Variants in MORN1 observed in about 807,000 individuals in gnomAD.
MORN1 encodes the protein MORN repeat-containing protein 1.
A neutral mutation model predicts 61.9 loss-of-function variants in MORN1; 67 were observed. The ratio of observed to expected loss-of-function variants is 1.08; its 90% confidence interval spans 0.89 to 1.33. The LOEUF is 1.33. Among genes scored for constraint, MORN1 ranks in the 40% most tolerant of loss-of-function variants. The pLI is 0.00. For missense variants in MORN1, 752 were observed against 691.2 expected (o/e 1.09, Z -0.99); for synonymous variants, 301 against 292.0 (o/e 1.03, Z -0.31).
chr1:2,342,623 C>T (rs892684912), intron 10 of MORN1, among the ~76,000 whole-genome samples: 1 of 151,968 alleles, frequency 6.6e-6, no homozygotes, highest in African/African-American at 2.4e-5. Flanking sequence ...TGTCCCCAGC[C>T]CCGGGCTTCG....
Position 2,337,143 on chromosome 1 carries a change from C to A in MORN1, c.1037-293G>T, listed in dbSNP as rs534986591. Among the ~76,000 whole-genome samples the A allele has an allele frequency of 1.6e-4, 25 of 152,274 alleles. No homozygotes were observed. The highest frequency in any genetic ancestry group is 1.2e-3 in the South Asian group (6 of 4,826). The stretch of plus-strand genomic sequence containing the variant: ...CCCAGCGCTTTGCAGTGGGAAGGGT[C>A]TCCCATCAGCAGCCCCCGTCAGCCG... On this transcript the variant is annotated intron_variant, in intron 10 of 13. Transcript: ENST00000378531. This position sits in a 1 kb window ranked among gnomAD's most constrained non-coding sequence, Gnocchi z 5.7.
rs924801014 is a variant in MORN1, at chr1:2,334,227, C to G, written c.1250+2242G>C. On this transcript the variant is annotated intron_variant, in intron 12 of 13. Coordinates refer to ENST00000378531, the MANE Select transcript of MORN1 (RefSeq NM_024848.3). The surrounding 1 kb of genome is among the most constrained non-coding windows in gnomAD (Gnocchi z 5.4). Reference sequence around the variant, plus strand: ...CCCGGTCAGCCACAGTTGAGGGCCTCTGGGTGGTGGGGGGGCAGCAGGTGT... The same window carrying G: ...CCCGGTCAGCCACAGTTGAGGGCCTGTGGGTGGTGGGGGGGCAGCAGGTGT... Among the ~76,000 whole-genome samples, 1 of 151,480 alleles carries G rather than the reference C, an allele frequency of 6.6e-6. No homozygotes were observed. Among genetic ancestry groups the G allele is most frequent in the Non-Finnish European group, 1.5e-5 (1 of 67,866 alleles).
Position 2,372,467 on chromosome 1 carries a change from C to A in MORN1, c.745+14G>T. On this transcript the variant is annotated intron_variant, in intron 8 of 13. Coordinates refer to ENST00000378531, the MANE Select transcript of MORN1 (RefSeq NM_024848.3). This position sits in a 1 kb window ranked among gnomAD's most constrained non-coding sequence, Gnocchi z 5.4. The stretch of plus-strand genomic sequence containing the variant: ...TTTGGAAACGTTAGGTCATCTCCCC[C>A]TGGAGATGCTTACTCTTGGCAATTT... 6.3e-7 allele frequency: 1 copy of A among 1,585,688 alleles called. No individual in the cohort carries two copies.
At chr1:2,362,060 C>T (rs1383548841) in intron 8 of MORN1, among the ~76,000 whole-genome samples, 4 of 151,960 alleles carry the variant, frequency 2.6e-5, no homozygotes, top group African/African-American at 9.7e-5. Flanking sequence ...GGTGAAACCC[C>T]GTCTCTACTA....
At chr1:2,389,894 G>A in intron 2 of MORN1, 31 bp downstream of exon 2, 2 of 1,601,178 alleles carry the variant, frequency 1.2e-6, no homozygotes, top group Non-Finnish European at 1.7e-6. Flanking sequence ...TGGGGCAGCA[G>A]CTGCAAGAAG....
chr1:2,335,984 C>T (rs2100253301), intron 12 of MORN1, among the ~76,000 whole-genome samples: 1 of 152,322 alleles, frequency 6.6e-6, no homozygotes, highest in African/African-American at 2.4e-5. Flanking sequence ...CGTAGCACTG[C>T]CAGGCCCAGG....
chr1:2,342,858 TTTTATTTTA>T (rs1470778649), intron 10 of MORN1, among the ~76,000 whole-genome samples: 36 of 100,622 alleles, frequency 3.6e-4, no homozygotes, highest in Non-Finnish European at 5.1e-4. Flanking sequence ...TTTTATTTTA[TTTTATTTTA>T]TTTATTTTAT....
At chr1:2,323,793 G>A (rs527707862) in intron 13 of MORN1, 1 of 985,308 alleles carries the variant, frequency 1.0e-6, no homozygotes, top group South Asian at 4.7e-5. Context: ...TGGACCCCAA[G>A]GCCTCCGAGT....
intron 8 of MORN1, among the ~76,000 whole-genome samples, chr1:2,366,300 G>A (rs1641994140): frequency 1.3e-5 from 2 of 148,394 alleles, no homozygotes; most frequent in African/African-American, 2.5e-5. Flanking sequence ...ACACAGGAAG[G>A]GGAACATCAC....
chr1:2,378,728 C>G (rs1642302504), intron 6 of MORN1: 1 of 360,250 alleles, frequency 2.8e-6, no homozygotes, highest in African/African-American at 2.1e-5. Flanking sequence ...TCTGCTCCGT[C>G]TCCCACCGAG....
At chr1:2,371,485 A>G (rs1259747271) in intron 8 of MORN1, 1 of 152,266 alleles carries the variant, frequency 6.6e-6, no homozygotes, top group Admixed American at 6.5e-5. Context: ...ATCACTTCAC[A>G]CCCACAGGGC....
At chr1:2,329,397 C>T (rs183892420) in intron 12 of MORN1, among the ~76,000 whole-genome samples, 214 of 152,332 alleles carry the variant, frequency 1.4e-3, no homozygotes, top group African/African-American at 4.8e-3. Flanking sequence ...CACCTGGAGG[C>T]GCTTCCAGCA....
chr1:2,390,364 G>T, intron 1 of MORN1: 1 of 945,224 alleles, frequency 1.1e-6, no homozygotes, highest in South Asian at 4.9e-5. Flanking sequence ...AGGCAGAGCG[G>T]CAGTGTCAGT....
chr1:2,342,845 T>A (rs1035600072), intron 10 of MORN1, among the ~76,000 whole-genome samples: 1 of 96,278 alleles, frequency 1.0e-5, no homozygotes, highest in Non-Finnish European at 2.1e-5. Flanking sequence ...ATTTTATATT[T>A]TATTTTATTT....
At chr1:2,323,419 G>C (rs1334803419) in intron 13 of MORN1, 1 of 985,294 alleles carries the variant, frequency 1.0e-6, no homozygotes. Context: ...ATTCATGTTG[G>C]CCCAGGTGAC....
At chr1:2,389,813 T>C (rs1350063435) in intron 2 of MORN1, 112 bp downstream of exon 2, 2 of 922,804 alleles carry the variant, frequency 2.2e-6, no homozygotes, top group East Asian at 2.4e-5. Flanking sequence ...CAGGGTACAA[T>C]GGGCTCGAAA....
At chr1:2,367,611 G>A (rs1341879959) in intron 8 of MORN1, among the ~76,000 whole-genome samples, 1 of 152,154 alleles carries the variant, frequency 6.6e-6, no homozygotes, top group Non-Finnish European at 1.5e-5. Flanking sequence ...ATACCGAACG[G>A]TTCACAGTCC....
chr1:2,388,896 G>A (rs1382588073), intron 2 of MORN1, among the ~76,000 whole-genome samples: 3 of 151,936 alleles, frequency 2.0e-5, no homozygotes, highest in Non-Finnish European at 2.9e-5. Flanking sequence ...CAGATCACCT[G>A]AGGTCAGGAG....
In MORN1 at chr1:2,327,183, G is replaced by GACACAGAGACACAGAAAC. The variant is rs1569910872; in HGVS notation, c.1251-3058_1251-3041dup. Among the ~76,000 whole-genome samples the GACACAGAGACACAGAAAC allele has an allele frequency of 5.0e-5, 6 of 119,496 alleles. No individual in the cohort carries two copies. The East Asian group carries it at 1.4e-3, about 27-fold the overall frequency. The allele number at this position is 119,496 out of a possible 152,430, so 78.4% of individuals were successfully genotyped here. On this transcript the variant is annotated intron_variant, in intron 12 of 13. Coordinates refer to ENST00000378531, the MANE Select transcript of MORN1 (RefSeq NM_024848.3). ...ACACACAGACAGAAACAAACACAGAGACACAGAGACACAGAAACACACAGA... is the reference window on the plus strand; with the variant it reads ...ACACACAGACAGAAACAAACACAGAGACACAGAGACACAGAAACACACAGAGACACAGAAACACACAGA...
Sources: gnomAD v4.1 joint callset for allele counts (sites outside exome capture counted in the v4.1 genomes callset) on GRCh38, gnomAD v4.1.1 for gene constraint, Gnocchi (gnomAD v3.1) non-coding constraint, MANE v1.5 for transcripts, NCBI Gene and HGNC (gene_info 2026-07-23, HGNC 2026-07-21) for gene names.